CDKN2B-AS1: variants seen among roughly 807,000 people sequenced by gnomAD.
CDKN2B-AS1 encodes CDKN2B antisense RNA 1 (non-protein coding).
chr9:22,120,481 A>AT (rs2131376541), intron 4 of CDKN2B-AS1: 1 of 117,564 alleles, frequency 8.5e-6, no homozygotes, highest in African/African-American at 2.6e-5. Context: ...AAGCACTTCT[A>AT]CCTTTTTTTT....
intron 4 of CDKN2B-AS1, among the ~76,000 whole-genome samples, chr9:22,065,188 C>T (rs1389903119): frequency 1.3e-5 from 2 of 152,176 alleles, no homozygotes; most frequent in African/African-American, 4.8e-5. Flanking sequence ...GCACTTCTCC[C>T]GTCCAGAAGT....
intron 4 of CDKN2B-AS1, among the ~76,000 whole-genome samples, chr9:22,078,830 G>C (rs1824589525): frequency 6.6e-6 from 1 of 152,088 alleles, no homozygotes. Flanking sequence ...CTGAGGTTTG[G>C]GTATGCAGAG....
chr9:22,059,586 T>G (rs1823725471), intron 4 of CDKN2B-AS1, among the ~76,000 whole-genome samples: 1 of 152,194 alleles, frequency 6.6e-6, no homozygotes, highest in African/African-American at 2.4e-5. Flanking sequence ...GTGTAAGCTA[T>G]TGGTAGATCT....
Position 22,099,224 on chromosome 9 carries a change from C to T in CDKN2B-AS1, n.439-27879C>T, listed in dbSNP as rs79331368. 9.0e-3 allele frequency among the ~76,000 whole-genome samples: 1,367 copies of T among 152,170 alleles called. 111 individuals carry two copies. The East Asian group carries it at 0.19, about 21-fold the overall frequency. ...TCCATTTTTGAGGAATAGCCAATAG[C>T]TGGGCACGTCTAGAGCATAGGGTAG... is the stretch of plus-strand genomic sequence containing the variant. On this transcript the variant is annotated intron_variant and non_coding_transcript_variant, in intron 4 of 4. Transcript: ENST00000650946.
exon 5 of CDKN2B-AS1, among the ~76,000 whole-genome samples, chr9:22,127,792 C>T (rs72655419): frequency 2.6e-5 from 4 of 152,186 alleles, no homozygotes; most frequent in Non-Finnish European, 5.9e-5. Flanking sequence ...TTGTAGAACT[C>T]ACTTCAGACT....
At chr9:22,085,521 C>A (rs1385533972) in intron 4 of CDKN2B-AS1, among the ~76,000 whole-genome samples, 6 of 152,078 alleles carry the variant, frequency 3.9e-5, no homozygotes, top group Non-Finnish European at 8.8e-5. Flanking sequence ...GAGATCAAGA[C>A]CACCCTGGCT....
intron 4 of CDKN2B-AS1, among the ~76,000 whole-genome samples, chr9:22,084,364 A>G (rs1426158014): frequency 6.6e-6 from 1 of 152,216 alleles, no homozygotes; most frequent in Non-Finnish European, 1.5e-5. Context: ...TTAATTTTAT[A>G]TTATGTTTAA....
In CDKN2B-AS1 at chr9:22,006,250, G is replaced by C. The variant is rs1003403329; in HGVS notation, n.29+11089G>C. On this transcript the variant is annotated intron_variant and non_coding_transcript_variant, in intron 1 of 4. Coordinates refer to ENST00000650946, the Ensembl canonical transcript of CDKN2B-AS1. This position sits in a 1 kb window ranked among gnomAD's most constrained non-coding sequence, Gnocchi z 6.4. ...CGGGCGCTGCCCATCATCATGACCT[G>C]CCAGAGAGAGCAGAGTGGTCAGAGC... The C allele has an allele frequency of 1.2e-6, 2 of 1,603,950 alleles. No homozygotes were observed. The highest frequency in any genetic ancestry group is 1.7e-6 in the Non-Finnish European group (2 of 1,179,902).
intron 1 of CDKN2B-AS1, among the ~76,000 whole-genome samples, chr9:22,029,218 T>A (rs1486834669): frequency 6.6e-6 from 1 of 152,170 alleles, no homozygotes; most frequent in Non-Finnish European, 1.5e-5. Flanking sequence ...AGAAACAGAA[T>A]AGTCTCAGGA....
rs1294113723 is a variant in CDKN2B-AS1 at position 21,997,821 on chromosome 9, G to A, written n.29+2660G>A. On this transcript the variant is annotated intron_variant and non_coding_transcript_variant, in intron 1 of 4. Transcript: ENST00000650946. The surrounding 1 kb of genome is among the most constrained non-coding windows in gnomAD (Gnocchi z 4.8). ...CTCAAACACTGGGTACCACAGCCTA[G>A]CCAAGTTGACATACCAAATTAACTG... Among the ~76,000 whole-genome samples, 1 of 152,084 alleles carries A rather than the reference G, an allele frequency of 6.6e-6. No individual in the cohort carries two copies. The highest frequency in any genetic ancestry group is 2.4e-5 in the African/African-American group (1 of 41,372).
At chr9:22,026,575 T>A (rs1249672004) in intron 1 of CDKN2B-AS1, among the ~76,000 whole-genome samples, 1 of 152,184 alleles carries the variant, frequency 6.6e-6, no homozygotes, top group African/African-American at 2.4e-5. Flanking sequence ...TCCAAGCCAG[T>A]GGGTCTTATC....
chr9:22,004,940 T>C (rs1171070068), intron 1 of CDKN2B-AS1: 1 of 233,224 alleles, frequency 4.3e-6, no homozygotes, highest in Non-Finnish European at 8.5e-6. Flanking sequence ...TTTGCAACAG[T>C]GCCATTGCTA....
chr9:22,015,169 C>T, intron 1 of CDKN2B-AS1, among the ~76,000 whole-genome samples: 1 of 152,066 alleles, frequency 6.6e-6, no homozygotes, highest in Non-Finnish European at 1.5e-5. Flanking sequence ...GTTCTAGATC[C>T]CTGAGAAATC....
intron 4 of CDKN2B-AS1, among the ~76,000 whole-genome samples, chr9:22,123,304 A>G (rs956966116): frequency 2.6e-5 from 4 of 152,198 alleles, no homozygotes; most frequent in African/African-American, 9.6e-5. Flanking sequence ...AAACAGGAAC[A>G]ATTTGACTTC....
At chr9:22,038,618 CCTTTTA>C (rs1822783027) in intron 1 of CDKN2B-AS1, among the ~76,000 whole-genome samples, 1 of 151,856 alleles carries the variant, frequency 6.6e-6, no homozygotes, top group South Asian at 2.1e-4. Context: ...CTAATTCAGT[CCTTTTA>C]CTTTTTCTTT....
At chr9:22,102,827 G>A in intron 4 of CDKN2B-AS1, among the ~76,000 whole-genome samples, 1 of 152,122 alleles carries the variant, frequency 6.6e-6, no homozygotes, top group Middle Eastern at 3.2e-3. Flanking sequence ...CATAGATCTG[G>A]GCCTAACAAG....
At chr9:22,103,487 T>C (rs1247425405) in intron 4 of CDKN2B-AS1, among the ~76,000 whole-genome samples, 27 of 152,130 alleles carry the variant, frequency 1.8e-4, no homozygotes, top group Non-Finnish European at 3.8e-4. Flanking sequence ...TGCTGCCCTC[T>C]GGTGAGTCAG....
At chr9:22,097,053 C>G (rs1300116175) in intron 4 of CDKN2B-AS1, among the ~76,000 whole-genome samples, 1 of 152,176 alleles carries the variant, frequency 6.6e-6, no homozygotes, top group Non-Finnish European at 1.5e-5. Flanking sequence ...GCAGACCTGT[C>G]TTCCATCCAT....
intron 1 of CDKN2B-AS1, chr9:22,009,017 T>C: frequency 1.2e-6 from 2 of 1,606,460 alleles, no homozygotes; most frequent in South Asian, 1.1e-5. Flanking sequence ...TTAACGACAC[T>C]CTTCCCTTCT....
Sources: allele counts gnomAD v4.1 joint callset (sites outside exome capture counted in the v4.1 genomes callset), GRCh38; gene constraint gnomAD v4.1.1; non-coding constraint Gnocchi (gnomAD v3.1); transcripts MANE v1.5; gene names NCBI Gene and HGNC (gene_info 2026-07-23, HGNC 2026-07-21).